CDH23: variants seen among roughly 807,000 people sequenced by gnomAD.
CDH23 encodes cadherin related 23.
A neutral mutation model predicts 317.1 loss-of-function variants in CDH23; 189 were observed. The ratio of observed to expected loss-of-function variants is 0.60; its 90% CI spans 0.53 to 0.67. CDH23 has a LOEUF of 0.67. CDH23 is among the 30% of genes least tolerant of loss of function. The probability of loss-of-function intolerance (pLI) is 0.00; values close to 1 mark genes in which losing one functional copy is unlikely to be tolerated. For missense variants in CDH23, 4,401 were observed against 4,592.4 expected (o/e 0.96, Z 1.20); for synonymous variants, 1,839 against 1,876.8 (o/e 0.98, Z 0.52).
In CDH23 at chr10:71,593,474, G is replaced by A. The variant is rs1433893123; in HGVS notation, c.832+15482G>A. On this transcript the variant is annotated intron_variant, in intron 9 of 69. Coordinates refer to ENST00000224721, the MANE Select transcript of CDH23 (RefSeq NM_022124.6). ...TGCCATAGAAGAAAAATTGTTCTAC[G>A]TCAAAGGAGTTCCAATTCAATCAGA... Among the ~76,000 whole-genome samples the A allele has an allele frequency of 3.9e-5, 6 of 152,336 alleles. No individual in the cohort carries two copies. The South Asian group carries it at 6.2e-4, about 16-fold the overall frequency.
At chr10:71,651,624 C>T (rs1302264121) in intron 14 of CDH23, among the ~76,000 whole-genome samples, 3 of 151,442 alleles carry the variant, frequency 2.0e-5, no homozygotes, top group African/African-American at 7.3e-5. Context: ...ACAGTGAGGA[C>T]GTGTGTGATG....
chr10:71,736,556 G>A (rs1008677226), intron 34 of CDH23, among the ~76,000 whole-genome samples: 2 of 152,120 alleles, frequency 1.3e-5, no homozygotes, highest in Non-Finnish European at 2.9e-5. Context: ...GAGGCCCTGG[G>A]TGAAGACACA....
At chr10:71,535,090 C>G (rs962436979) in intron 6 of CDH23, among the ~76,000 whole-genome samples, 22 of 152,224 alleles carry the variant, frequency 1.4e-4, no homozygotes, top group African/African-American at 5.3e-4. Flanking sequence ...CATGCCCAGT[C>G]TTTTCCATCC....
intron 55 of CDH23, 132 bp from the exon 56 acceptor site, chr10:71,805,674 C>G: frequency 1.2e-6 from 1 of 868,946 alleles, no homozygotes; most frequent in East Asian, 2.7e-5. Context: ...AGCAGGCAGG[C>G]GCTCCTGGCG....
At position 71,809,959 on chromosome 10, in the gene CDH23, C is replaced by G. The variant is rs778629574; in HGVS notation, c.8862C>G (p.Asp2954Glu). ...TCGGCATCTACATCCTGAGGGACGACCAGCGCGTCAAGATCGTCATTAACG... is the reference window on the plus strand; with the variant it reads ...TCGGCATCTACATCCTGAGGGACGAGCAGCGCGTCAAGATCGTCATTAACG... ...AIIGIYILRDDQRVKIVINEI... is the reference protein window; with the variant it reads ...AIIGIYILRDEQRVKIVINEI... Residue 2954 changes from aspartate (D) to glutamate (E), a missense_variant, in exon 61 of 70, where the codon GAC (aspartate) becomes GAG (glutamate). Transcript: ENST00000224721. 3.7e-6 allele frequency: 6 copies of G among 1,612,288 alleles called. No homozygotes were observed. In the African/African-American group the frequency reaches 8.0e-5, roughly 22 times the overall value.
chr10:71,773,832 T>G lies in CDH23; in HGVS notation c.4846-3848T>G, dbSNP rs141415639. On this transcript the variant is annotated intron_variant, in intron 38 of 69. Transcript: ENST00000224721. Reference sequence around the variant, plus strand: ...GATAGACGTTACCATGGCTTGCATCTGCCCTCAGCCACCAGCCTTTGAGTG... The same window carrying G: ...GATAGACGTTACCATGGCTTGCATCGGCCCTCAGCCACCAGCCTTTGAGTG... Among the ~76,000 whole-genome samples, 168 of 152,308 alleles carry G rather than the reference T, an allele frequency of 1.1e-3. No individual in the cohort carries two copies. The South Asian group carries it at 0.017, about 16-fold the overall frequency.
Position 71,682,494 on chromosome 10 carries a change from G to T in CDH23, c.1908G>T (p.Leu636=), listed in dbSNP as rs1456272422. 3 of 1,613,250 alleles carry T rather than the reference G, an allele frequency of 1.9e-6. No homozygotes were observed. The Admixed American group carries it at 5.0e-5, about 27-fold the overall frequency. Residue 636 remains leucine, a synonymous_variant, in exon 18 of 70, where the codon CTG becomes CTT. Coordinates refer to ENST00000224721, the MANE Select transcript of CDH23 (RefSeq NM_022124.6). ...PLDYEQISNG[L]IYLTVMAMDA... is the part of the protein sequence containing the mutation. ...ATTATGAACAGATATCCAATGGGCT[G>T]ATTTATCTGACGGTCATGGCCATGG...
At chr10:71,648,857 C>T (rs540030246) in intron 14 of CDH23, among the ~76,000 whole-genome samples, 5 of 152,274 alleles carry the variant, frequency 3.3e-5, no homozygotes, top group East Asian at 1.9e-4. Context: ...CTCCCAGCCC[C>T]AGGGTTTATG....
chr10:71,545,957 G>A (rs755142743), intron 6 of CDH23, among the ~76,000 whole-genome samples: 14 of 152,128 alleles, frequency 9.2e-5, no homozygotes, highest in Non-Finnish European at 1.6e-4. Context: ...AGACACCCGA[G>A]GGAAGTACCA....
rs1862744647 is a variant in CDH23, at chr10:71,644,732, G to T, written c.1140+866G>T. The stretch of plus-strand genomic sequence containing the variant: ...ACTGGTTCAAGAGAAAAGGGCCCAT[G>T]TGCCAAGCTGGCCACTGGGCTAGGG... On this transcript the variant is annotated intron_variant, in intron 12 of 69. Coordinates refer to ENST00000224721, the MANE Select transcript of CDH23 (RefSeq NM_022124.6). Among the ~76,000 whole-genome samples, 8 of 152,352 alleles carry T rather than the reference G, an allele frequency of 5.3e-5. 1 individual carries two copies. Among genetic ancestry groups the T allele is most frequent in the Admixed American group, 5.2e-4 (8 of 15,304 alleles).
chr10:71,800,482 G>A (rs1270271801), intron 52 of CDH23, among the ~76,000 whole-genome samples, 154 bp from the exon 53 acceptor site: 2 of 152,190 alleles, frequency 1.3e-5, no homozygotes, highest in African/African-American at 2.4e-5. Flanking sequence ...AGCAAGAAGA[G>A]CCCCTAGAAT....
At position 71,784,355 on chromosome 10, in the gene CDH23, AC is replaced by A; in HGVS notation, c.5439del (p.Ile1814SerfsTer6). ...GAAGGACGTGGAGCTGGACCGGGAG[AC>A]CATCGCCTTCTACAACCTGACCATC... is the stretch of plus-strand genomic sequence containing the variant. The part of the protein sequence containing the change: ...VRKDVELDRE[T>X]IAFYNLTICA... On this transcript the variant is annotated frameshift_variant, in exon 42 of 70. Coordinates refer to ENST00000224721, the MANE Select transcript of CDH23 (RefSeq NM_022124.6). LOFTEE classifies it high-confidence loss of function. 1 of 1,613,824 alleles carries A rather than the reference AC, an allele frequency of 6.2e-7. No homozygotes were observed. Among genetic ancestry groups the A allele is most frequent in the Non-Finnish European group, 8.5e-7 (1 of 1,179,826 alleles).
At chr10:71,458,168 A>G (rs1255360584) in intron 3 of CDH23, among the ~76,000 whole-genome samples, 1 of 152,242 alleles carries the variant, frequency 6.6e-6, no homozygotes, top group Non-Finnish European at 1.5e-5. Context: ...TACACCCCTC[A>G]GGGGACCTGT....
Position 71,779,440 on chromosome 10 carries a change from C to T in CDH23, c.5361C>T (p.Asp1787=). The part of the protein sequence containing the change: ...GQVEYSIMDG[D]PLGEFVISPV... ...TGGAGTACAGCATCATGGATGGAGACCCTCTGGGTGAGTGGGGCTTGGGGC... is the reference window on the plus strand; with the variant it reads ...TGGAGTACAGCATCATGGATGGAGATCCTCTGGGTGAGTGGGGCTTGGGGC... The change falls in exon 41 of 70, where the codon GAC becomes GAT. Residue 1787 remains aspartate, a synonymous_variant. Coordinates refer to ENST00000224721, the MANE Select transcript of CDH23 (RefSeq NM_022124.6). The T allele has an allele frequency of 6.2e-7, 1 of 1,602,102 alleles. No homozygotes were observed. The highest frequency in any genetic ancestry group is 1.1e-5 in the South Asian group (1 of 90,688).
chr10:71,420,412 G>GATGGTGATGGTA (rs1848704912), intron 1 of CDH23, among the ~76,000 whole-genome samples: 3 of 57,252 alleles, frequency 5.2e-5, no homozygotes, highest in South Asian at 6.2e-4. Flanking sequence ...TGGTGATGAT[G>GATGGTGATGGTA]ATGGTGATGG....
chr10:71,693,409 T>C (rs1342882166), intron 20 of CDH23, among the ~76,000 whole-genome samples: 1 of 152,236 alleles, frequency 6.6e-6, no homozygotes, highest in East Asian at 1.9e-4. Context: ...AAATGTTGTT[T>C]AATTGTTCAG....
intron 9 of CDH23, among the ~76,000 whole-genome samples, chr10:71,579,754 G>C (rs189980753): frequency 4.6e-5 from 7 of 152,318 alleles, no homozygotes; most frequent in Middle Eastern, 3.4e-3. Flanking sequence ...AGAAGGGGAG[G>C]CCTGTCTTGG....
chr10:71,508,252 A>C (rs1354077695), intron 3 of CDH23: 2 of 152,172 alleles, frequency 1.3e-5, no homozygotes, highest in Non-Finnish European at 2.9e-5. Context: ...CCTTTTCCAG[A>C]TCTTGGGCTT....
intron 14 of CDH23, among the ~76,000 whole-genome samples, chr10:71,649,214 G>A (rs575951493): frequency 4.6e-4 from 70 of 152,166 alleles, no homozygotes; most frequent in Non-Finnish European, 8.1e-4. Flanking sequence ...TCAGACCCGG[G>A]GTCAGCCCAA....
Sources: gnomAD v4.1 joint callset for allele counts (sites outside exome capture counted in the v4.1 genomes callset) on GRCh38, gnomAD v4.1.1 for gene constraint, MANE v1.5 for transcripts, NCBI Gene and HGNC (gene_info 2026-07-23, HGNC 2026-07-21) for gene names.